Variants in ZNF664 observed in about 807,000 individuals in gnomAD.
ZNF664 encodes the protein zinc finger Organ of Corti 1.
In ZNF664, 10 loss-of-function variants were observed where a neutral mutation model predicts 18.2. That is an observed-to-expected ratio of 0.55 (90% CI 0.34 to 0.93). ZNF664 has a LOEUF of 0.93. Ranked by LOEUF, ZNF664 falls within the 40% of genes least tolerant of loss-of-function variation. The pLI, the probability that ZNF664 is intolerant of heterozygous loss-of-function variation, is 0.02. For missense variants in ZNF664, 193 were observed against 319.0 expected (o/e 0.61, Z 3.01); for synonymous variants, 119 against 104.2 (o/e 1.14, Z -0.86).
At chr12:123,980,505 A>G (rs1956751499) in intron 2 of ZNF664, among the ~76,000 whole-genome samples, 1 of 152,222 alleles carries the variant, frequency 6.6e-6, no homozygotes, top group Admixed American at 6.5e-5. Flanking sequence ...TGCACAAAAT[A>G]TGTATATTGT....
rs1394234857 is a variant in ZNF664, at chr12:124,011,826, A to C, written c.-319A>C. The C allele has an allele frequency of 8.6e-7, 1 of 1,158,274 alleles. No individual in the cohort carries two copies. The highest frequency in any genetic ancestry group is 1.1e-6 in the Non-Finnish European group (1 of 943,902). The allele number at this position is 1,158,274 out of a possible 1,614,324, so 71.7% of individuals were successfully genotyped here. On this transcript the variant is annotated 5_prime_UTR_variant, in exon 5 of 5. Transcript: ENST00000337815. ...GGGGCTCAAAAACGCAAAGGTTTGC[A>C]CTTTGAGAGCCCCTTGGAATGTTGA... is the stretch of plus-strand genomic sequence containing the variant.
intron 3 of ZNF664, among the ~76,000 whole-genome samples, chr12:123,990,282 G>GT (rs557074752): frequency 3.3e-4 from 50 of 152,204 alleles, no homozygotes; most frequent in Non-Finnish European, 5.9e-4. Context: ...TATGTTATGT[G>GT]TTTTTTTACC....
chr12:124,012,399 G>A lies in ZNF664; in HGVS notation c.255G>A (p.Lys85=). ...NRHKKIHTVE[K]PYKCYECGKA... is the part of the protein sequence containing the mutation. ...ATAAGAAAATCCACACAGTGGAGAA[G>A]CCCTATAAATGTTACGAGTGTGGCA... Residue 85 remains lysine (K), a synonymous_variant, in exon 5 of 5, where the codon AAG becomes AAA. Coordinates refer to ENST00000337815, the MANE Select transcript of ZNF664 (RefSeq NM_152437.3). The A allele has an allele frequency of 6.2e-7, 1 of 1,614,222 alleles. No individual in the cohort carries two copies. Among genetic ancestry groups the A allele is most frequent in the Non-Finnish European group, 8.5e-7 (1 of 1,180,042 alleles).
chr12:123,989,380 C>T (rs76837283), intron 3 of ZNF664: 17 of 152,348 alleles, frequency 1.1e-4, no homozygotes, highest in African/African-American at 4.1e-4. Flanking sequence ...TTCTCTCTCT[C>T]TTTCTGGCTG....
intron 2 of ZNF664, among the ~76,000 whole-genome samples, chr12:123,987,679 T>C (rs1566198297): frequency 6.6e-6 from 1 of 152,216 alleles, no homozygotes; most frequent in Non-Finnish European, 1.5e-5. Flanking sequence ...ACACTATTGA[T>C]TGTTTATTCC....
At position 124,014,248 on chromosome 12, in the gene ZNF664, G is replaced by A. The variant is rs1376080879; in HGVS notation, c.*1318G>A. 1.2e-5 allele frequency: 2 copies of A among 167,176 alleles called. No individual in the cohort carries two copies. The highest frequency in any genetic ancestry group is 2.9e-5 in the Non-Finnish European group (2 of 68,260). The allele number at this position is 167,176 out of a possible 1,614,324, so 10.4% of individuals were successfully genotyped here. ...TTCCGCGGTGGGATGTTGAGCTGAGGCCGGAGGAGAAGTAGCAGTCGCTGG... is the reference window on the plus strand; with the variant it reads ...TTCCGCGGTGGGATGTTGAGCTGAGACCGGAGGAGAAGTAGCAGTCGCTGG... On this transcript the variant is annotated 3_prime_UTR_variant, in exon 5 of 5. Coordinates refer to ENST00000337815, the MANE Select transcript of ZNF664 (RefSeq NM_152437.3).
At chr12:123,989,081 AAGG>A (rs930253027) in intron 3 of ZNF664, among the ~76,000 whole-genome samples, 2 of 152,140 alleles carry the variant, frequency 1.3e-5, no homozygotes, top group African/African-American at 4.8e-5. Context: ...CCCATGCAAC[AAGG>A]AGGATTGGCT....
chr12:124,011,874 T>C lies in ZNF664; in HGVS notation c.-271T>C. On this transcript the variant is annotated 5_prime_UTR_variant, in exon 5 of 5. Coordinates refer to ENST00000337815, the MANE Select transcript of ZNF664 (RefSeq NM_152437.3). ...TGACAACTCAGGATCTAAAACAAAG[T>C]TCTGTGTTAATGAGTTACAGAATTC... 8.0e-7 allele frequency: 1 copy of C among 1,245,998 alleles called. No homozygotes were observed. The highest frequency in any genetic ancestry group is 1.0e-6 in the Non-Finnish European group (1 of 996,836). The allele number at this position is 1,245,998 out of a possible 1,614,324, so 77.2% of individuals were successfully genotyped here. A position where few individuals can be genotyped will look rare whatever the true frequency, so the allele number is the denominator to read the frequency against.
intron 3 of ZNF664, among the ~76,000 whole-genome samples, chr12:123,999,667 G>A (rs1363012481): frequency 6.6e-6 from 1 of 152,220 alleles, no homozygotes; most frequent in Non-Finnish European, 1.5e-5. Flanking sequence ...ATCCAGAGAG[G>A]AGCGGTGTTG....
At chr12:123,979,039 T>TA (rs1452995965) in intron 2 of ZNF664, among the ~76,000 whole-genome samples, 2 of 152,072 alleles carry the variant, frequency 1.3e-5, no homozygotes, top group Non-Finnish European at 2.9e-5. Context: ...TAGAAGGAAA[T>TA]ATAAGAGAAT....
At chr12:124,010,577 A>AT (rs1337655038) in intron 3 of ZNF664, among the ~76,000 whole-genome samples, 4 of 152,340 alleles carry the variant, frequency 2.6e-5, no homozygotes, top group Non-Finnish European at 5.9e-5. Context: ...GAAGCAGGAT[A>AT]TGTGTGTGGG....
At chr12:123,974,663 GTT>G (rs1335622805) in intron 2 of ZNF664, 3 of 152,312 alleles carry the variant, frequency 2.0e-5, no homozygotes, top group East Asian at 3.9e-4. Flanking sequence ...TGTGTGTGGT[GTT>G]TATCCTTCTA....
At chr12:124,005,482 A>AGTGTGTGTGTGTGTGTGT (rs751514633) in intron 3 of ZNF664, among the ~76,000 whole-genome samples, 2 of 91,832 alleles carry the variant, frequency 2.2e-5, no homozygotes, top group East Asian at 4.7e-4. Context: ...TAATTTATAG[A>AGTGTGTGTGTGTGTGTGT]ATGTGTGTGT....
At chr12:123,973,377 A>C in intron 1 of ZNF664, 25 bp downstream of exon 1, 1 of 960,164 alleles carries the variant, frequency 1.0e-6, no homozygotes, top group Non-Finnish European at 1.2e-6. Context: ...GCCGGGCTGC[A>C]GTCTTTCTTT....
Position 123,994,080 on chromosome 12 carries a change from C to T in ZNF664, c.-661+5942C>T, listed in dbSNP as rs564292044. The stretch of plus-strand genomic sequence containing the variant: ...GTTTAGGTCTCAATCCTCTCATGCA[C>T]GAAACTTCAGAATTATTTTGGAGGA... On this transcript the variant is annotated intron_variant, in intron 3 of 4. Coordinates refer to ENST00000337815, the MANE Select transcript of ZNF664 (RefSeq NM_152437.3). Among the ~76,000 whole-genome samples the T allele has an allele frequency of 5.9e-5, 9 of 152,192 alleles. No homozygotes were observed. The South Asian group carries it at 6.2e-4, about 11-fold the overall frequency.
rs766499546 is a variant in ZNF664 at position 124,012,183 on chromosome 12, TGA to T, written c.45_46del (p.Arg15SerfsTer13). 1 of 1,612,594 alleles carries T rather than the reference TGA, an allele frequency of 6.2e-7. No individual in the cohort carries two copies. On this transcript the variant is annotated frameshift_variant, in exon 5 of 5. Coordinates refer to ENST00000337815, the MANE Select transcript of ZNF664 (RefSeq NM_152437.3). LOFTEE classifies it high-confidence loss of function. ...KCPMCREFFS[E>X]RADLFMHQKI... is the part of the protein sequence containing the mutation. ...GCCCCATGTGTAGGGAATTTTTCTC[TGA>T]GAGAGCAGATCTTTTTATGCATCAG...
intron 2 of ZNF664, among the ~76,000 whole-genome samples, chr12:123,983,385 A>G (rs753545626): frequency 3.3e-5 from 5 of 152,256 alleles, no homozygotes; most frequent in Admixed American, 6.5e-5. Context: ...ATTCTGAAAT[A>G]CACAGTGTCT....
chr12:124,014,422 G>A lies in ZNF664; in HGVS notation c.*1492G>A, dbSNP rs13012. ...CCTTTTTTTGTTTGTTTTAATTTTT[G>A]CTAGATTGATATTAAAAACTCATGT... On this transcript the variant is annotated 3_prime_UTR_variant, in exon 5 of 5. Coordinates refer to ENST00000337815, the MANE Select transcript of ZNF664 (RefSeq NM_152437.3). 0.06 allele frequency: 10,102 copies of A among 166,980 alleles called. 344 individuals are homozygous for A. The highest frequency in any genetic ancestry group is 0.13 in the South Asian group (630 of 4,826). 10.3% of individuals were successfully genotyped at this position (166,980 alleles called of 1,614,324 possible).
intron 2 of ZNF664, among the ~76,000 whole-genome samples, chr12:123,977,231 A>C (rs1437987361): frequency 6.6e-6 from 1 of 152,210 alleles, no homozygotes; most frequent in Non-Finnish European, 1.5e-5. Flanking sequence ...CAAATTAAAA[A>C]TTGGGACATT....
Sources: gnomAD v4.1 joint callset for allele counts (sites outside exome capture counted in the v4.1 genomes callset) on GRCh38, gnomAD v4.1.1 for gene constraint, MANE v1.5 for transcripts, NCBI Gene and HGNC (gene_info 2026-07-23, HGNC 2026-07-21) for gene names.